Variants in GALNT17 observed in about 807,000 individuals in gnomAD.
The protein encoded by GALNT17 is UDP-GalNAc:polypeptide N-acetylgalactosaminyltransferase-like 3.
In GALNT17, 29 loss-of-function variants were observed where a neutral mutation model predicts 63.7. That is an observed-to-expected ratio of 0.46 (90% CI 0.34 to 0.62). The LOEUF (loss-of-function observed/expected upper bound fraction) is 0.62, where lower values mean the gene tolerates loss of function less well. Ranked by LOEUF, GALNT17 falls within the 20% of genes least tolerant of loss-of-function variation. The pLI, the probability that GALNT17 is intolerant of heterozygous loss-of-function variation, is 0.01. For synonymous variants in GALNT17, 305 were observed against 318.3 expected (o/e 0.96, Z 0.45); for missense variants, 603 against 799.6 (o/e 0.75, Z 2.97).
chr7:71,173,602 A>G (rs955708173), intron 1 of GALNT17, among the ~76,000 whole-genome samples: 6 of 152,016 alleles, frequency 3.9e-5, no homozygotes, highest in Non-Finnish European at 8.8e-5. Context: ...GCAAAAACCC[A>G]TCTCTACTAA....
intron 5 of GALNT17, among the ~76,000 whole-genome samples, chr7:71,472,316 T>C (rs1042650657): frequency 6.6e-6 from 1 of 152,162 alleles, no homozygotes; most frequent in Non-Finnish European, 1.5e-5. Context: ...GACACAAACA[T>C]TTAGCTCATA....
chr7:71,614,898 AG>A, intron 6 of GALNT17, among the ~76,000 whole-genome samples: 3 of 74,748 alleles, frequency 4.0e-5, no homozygotes, highest in African/African-American at 5.4e-5. Flanking sequence ...GGAGGGAGGG[AG>A]GGAGGGAGGA....
intron 6 of GALNT17, among the ~76,000 whole-genome samples, chr7:71,664,322 G>A (rs189438077): frequency 6.6e-6 from 1 of 152,262 alleles, no homozygotes; most frequent in African/African-American, 2.4e-5. Flanking sequence ...TAACAGTGTA[G>A]AACTAGGCTG....
At chr7:71,506,672 G>A (rs895464034) in intron 5 of GALNT17, among the ~76,000 whole-genome samples, 2 of 152,180 alleles carry the variant, frequency 1.3e-5, no homozygotes, top group African/African-American at 4.8e-5. Context: ...GCAATATGTA[G>A]TAATCAAATC....
intron 9 of GALNT17, among the ~76,000 whole-genome samples, chr7:71,689,325 G>A (rs1202921328): frequency 6.6e-6 from 1 of 152,154 alleles, no homozygotes; most frequent in East Asian, 1.9e-4. Context: ...CAAATAATTT[G>A]CCAAGTTATG....
intron 1 of GALNT17, among the ~76,000 whole-genome samples, chr7:71,234,503 A>G (rs1040410907): frequency 2.0e-5 from 3 of 152,052 alleles, no homozygotes; most frequent in African/African-American, 7.2e-5. Flanking sequence ...AGCTCAGGTG[A>G]TCAGCCCACT....
In GALNT17 at chr7:71,388,522, A is replaced by T. The variant is rs569268703; in HGVS notation, c.589+121A>T. 4.0e-6 allele frequency: 5 copies of T among 1,248,110 alleles called. No individual in the cohort carries two copies. In the African/African-American group the frequency reaches 6.1e-5, roughly 15 times the overall value. 77.3% of individuals were successfully genotyped at this position (1,248,110 alleles called of 1,614,324 possible). A position where few individuals can be genotyped will look rare whatever the true frequency, so the allele number is the denominator to read the frequency against. On this transcript the variant is annotated intron_variant, in intron 3 of 10. Transcript: ENST00000333538. ...TCCCTGGAGCATATCTGGGGAAGGG[A>T]TATTTTTTCTTTTTCTTTTTTTGAG...
chr7:71,577,181 G>C (rs1396299237), intron 6 of GALNT17, among the ~76,000 whole-genome samples: 1 of 152,136 alleles, frequency 6.6e-6, no homozygotes, highest in Non-Finnish European at 1.5e-5. Flanking sequence ...TGGACATAAA[G>C]ATGGGAATGA....
intron 1 of GALNT17, among the ~76,000 whole-genome samples, chr7:71,169,721 A>G (rs977201342): frequency 6.6e-6 from 1 of 151,820 alleles, no homozygotes; most frequent in Non-Finnish European, 1.5e-5. Flanking sequence ...ACGCCTGGCT[A>G]ATTTTGCTAT....
intron 2 of GALNT17, among the ~76,000 whole-genome samples, chr7:71,360,699 A>G (rs1792382398): frequency 6.6e-6 from 1 of 152,184 alleles, no homozygotes; most frequent in Non-Finnish European, 1.5e-5. Context: ...TTGGGAGGCC[A>G]AGATGGGCAG....
At chr7:71,275,918 C>T (rs145611455) in intron 1 of GALNT17, among the ~76,000 whole-genome samples, 10 of 152,168 alleles carry the variant, frequency 6.6e-5, no homozygotes, top group Non-Finnish European at 1.3e-4. Flanking sequence ...ATGAACTATG[C>T]GATGGGCTCC....
chr7:71,339,461 C>T (rs1033507643), intron 2 of GALNT17, among the ~76,000 whole-genome samples: 6 of 152,186 alleles, frequency 3.9e-5, no homozygotes, highest in East Asian at 1.9e-4. Context: ...CTAAGGCGGG[C>T]GGATCACCTG....
intron 4 of GALNT17, among the ~76,000 whole-genome samples, chr7:71,419,074 C>T (rs1007307438): frequency 3.9e-5 from 6 of 152,028 alleles, no homozygotes; most frequent in African/African-American, 7.2e-5. Context: ...AGTGAAACTC[C>T]GTCTCAAAAA....
At chr7:71,216,081 G>T (rs1253838443) in intron 1 of GALNT17, among the ~76,000 whole-genome samples, 1 of 142,380 alleles carries the variant, frequency 7.0e-6, no homozygotes, top group East Asian at 2.1e-4. Context: ...GCCAAGCGTG[G>T]TAGTGCACAC....
At chr7:71,541,229 C>T (rs1426476108) in intron 5 of GALNT17, among the ~76,000 whole-genome samples, 2 of 115,902 alleles carry the variant, frequency 1.7e-5, no homozygotes, top group African/African-American at 3.5e-5. Context: ...GGCAACAAAG[C>T]GAGACACTGT....
At chr7:71,668,747 A>T (rs893052901) in intron 7 of GALNT17, among the ~76,000 whole-genome samples, 1 of 152,122 alleles carries the variant, frequency 6.6e-6, no homozygotes, top group African/African-American at 2.4e-5. Flanking sequence ...GCCATCTTGC[A>T]GCTGAGTCTG....
chr7:71,186,516 AGT>A (rs550273372), intron 1 of GALNT17, among the ~76,000 whole-genome samples: 1 of 152,116 alleles, frequency 6.6e-6, no homozygotes, highest in South Asian at 2.1e-4. Context: ...CTAGCTGGAG[AGT>A]GTAAGAGCTT....
rs1359125440 is a variant in GALNT17 at position 71,428,047 on chromosome 7, C to T, written c.962+6942C>T. 2.6e-5 allele frequency among the ~76,000 whole-genome samples: 4 copies of T among 152,176 alleles called. No individual in the cohort carries two copies. The East Asian group carries it at 7.7e-4, about 29-fold the overall frequency. On this transcript the variant is annotated intron_variant, in intron 5 of 10. Coordinates refer to ENST00000333538, the MANE Select transcript of GALNT17 (RefSeq NM_022479.3). ...AAGGTTGGGGACTGCTGATCTAGAGCATCCCTTTTGGTTTTGTTTATGATG... is the reference window on the plus strand; with the variant it reads ...AAGGTTGGGGACTGCTGATCTAGAGTATCCCTTTTGGTTTTGTTTATGATG...
intron 5 of GALNT17, among the ~76,000 whole-genome samples, chr7:71,515,937 C>A (rs932007674): frequency 3.2e-4 from 48 of 152,092 alleles, no homozygotes; most frequent in Admixed American, 3.1e-3. Flanking sequence ...GATAAGTAGT[C>A]ACTTTCTCGT....
Sources: allele counts gnomAD v4.1 joint callset (sites outside exome capture counted in the v4.1 genomes callset), GRCh38; gene constraint gnomAD v4.1.1; transcripts MANE v1.5; gene names NCBI Gene and HGNC (gene_info 2026-07-23, HGNC 2026-07-21).